CHRM5: variants seen among roughly 807,000 people sequenced by gnomAD.
CHRM5 encodes muscarinic acetylcholine receptor M5.
A neutral mutation model predicts 39.0 loss-of-function variants in CHRM5; 18 were observed. That is an observed-to-expected ratio of 0.46 (90% CI 0.32 to 0.68). The LOEUF (loss-of-function observed/expected upper bound fraction) is 0.68. Ranked by LOEUF, CHRM5 falls within the 30% of genes least tolerant of loss-of-function variation. The pLI is 0.04. For missense variants in CHRM5, 515 were observed against 651.1 expected, an observed-to-expected ratio of 0.79 and a Z score of 2.28; for synonymous variants, 241 against 246.3, an observed-to-expected ratio of 0.98 and a Z score of 0.20.
At chr15:33,975,858 C>T (rs971140745) in intron 1 of CHRM5, among the ~76,000 whole-genome samples, 2 of 152,084 alleles carry the variant, frequency 1.3e-5, no homozygotes, top group African/African-American at 4.8e-5. Context: ...TGAACCCGGG[C>T]AGCGGAGGTT....
At chr15:34,003,682 A>G (rs774822559) in intron 1 of CHRM5, among the ~76,000 whole-genome samples, 1 of 152,236 alleles carries the variant, frequency 6.6e-6, no homozygotes, top group African/African-American at 2.4e-5. Context: ...TAACTTAAAC[A>G]TATATTACTA....
intron 1 of CHRM5, among the ~76,000 whole-genome samples, chr15:34,033,808 A>C (rs1898977390): frequency 6.6e-6 from 1 of 152,156 alleles, no homozygotes; most frequent in Non-Finnish European, 1.5e-5. Flanking sequence ...TTTTGTTTTG[A>C]GATGGAGTCT....
At chr15:34,038,767 C>A in intron 1 of CHRM5, 1 of 1,167,764 alleles carries the variant, frequency 8.6e-7, no homozygotes, top group South Asian at 4.0e-5. Flanking sequence ...CCCCACCAGC[C>A]GTCGCCTCTT....
At position 33,989,634 on chromosome 15, in the gene CHRM5, A is replaced by G. The variant is rs1021733933; in HGVS notation, c.-408+20484A>G. The stretch of plus-strand genomic sequence containing the variant: ...GTCCCTTTTCATAGTCTCTGAATTC[A>G]TGTTTCATGTGTTTTATTTTAGAAG... On this transcript the variant is annotated intron_variant, in intron 1 of 2. Transcript: ENST00000383263. Among the ~76,000 whole-genome samples the G allele has an allele frequency of 2.0e-5, 3 of 152,118 alleles. No homozygotes were observed. In the East Asian group the frequency reaches 5.8e-4, roughly 29 times the overall value.
At chr15:34,029,145 C>T (rs1898640839) in intron 1 of CHRM5, among the ~76,000 whole-genome samples, 1 of 152,132 alleles carries the variant, frequency 6.6e-6, no homozygotes, top group South Asian at 2.1e-4. Context: ...CCTCTCCATC[C>T]AGGGACAGAA....
At chr15:34,055,416 A>G (rs1199339197) in intron 2 of CHRM5, among the ~76,000 whole-genome samples, 2 of 151,898 alleles carry the variant, frequency 1.3e-5, no homozygotes, top group Admixed American at 1.3e-4. Context: ...GAGGCAGGAG[A>G]ATCTCCTGGA....
At chr15:33,974,186 T>C (rs1455929746) in intron 1 of CHRM5, among the ~76,000 whole-genome samples, 1 of 152,206 alleles carries the variant, frequency 6.6e-6, no homozygotes, top group Non-Finnish European at 1.5e-5. Context: ...AAATTGGTCT[T>C]GCTATTAAAA....
At chr15:34,032,098 G>C (rs1477574839) in intron 1 of CHRM5, among the ~76,000 whole-genome samples, 1 of 151,950 alleles carries the variant, frequency 6.6e-6, no homozygotes, top group Admixed American at 6.6e-5. Flanking sequence ...GCCGTAATAA[G>C]TTAGTCAGTA....
chr15:34,001,703 C>T (rs1166893438), intron 1 of CHRM5, among the ~76,000 whole-genome samples: 1 of 17,606 alleles, frequency 5.7e-5, no homozygotes, highest in Non-Finnish European at 2.9e-4. Context: ...TTTGAATCAT[C>T]TACGGTAATG....
intron 1 of CHRM5, among the ~76,000 whole-genome samples, chr15:33,982,967 G>A (rs1371664154): frequency 6.6e-6 from 1 of 151,746 alleles, no homozygotes; most frequent in Non-Finnish European, 1.5e-5. Context: ...ACTCCTGTTG[G>A]GATAATTTTT....
intron 1 of CHRM5, among the ~76,000 whole-genome samples, chr15:33,975,819 A>T (rs1405876390): frequency 1.4e-4 from 22 of 152,252 alleles, no homozygotes; most frequent in Admixed American, 1.3e-3. Flanking sequence ...AGTCCCAGCT[A>T]CTCGGGAGGC....
intron 2 of CHRM5, among the ~76,000 whole-genome samples, chr15:34,056,117 T>A (rs947547370): frequency 6.6e-6 from 1 of 152,206 alleles, no homozygotes; most frequent in Admixed American, 6.5e-5. Flanking sequence ...AGCAGCTAAG[T>A]AACTGCCGTT....
chr15:34,051,526 C>T (rs1246049877), intron 2 of CHRM5, among the ~76,000 whole-genome samples: 1 of 152,064 alleles, frequency 6.6e-6, no homozygotes, highest in Non-Finnish European at 1.5e-5. Flanking sequence ...ACAAGAAAAA[C>T]ACTTTCAAAA....
chr15:34,064,350 C>T lies in CHRM5; in HGVS notation c.*34C>T, dbSNP rs778577826. On this transcript the variant is annotated 3_prime_UTR_variant, in exon 3 of 3. Coordinates refer to ENST00000383263, the MANE Select transcript of CHRM5 (RefSeq NM_012125.4). ...CAACTCCTCTCGAAAGAACAATGACCACAGTCAACATCCTCTGAGGATGAG... is the reference window on the plus strand; with the variant it reads ...CAACTCCTCTCGAAAGAACAATGACTACAGTCAACATCCTCTGAGGATGAG... The T allele has an allele frequency of 5.1e-6, 8 of 1,576,886 alleles. No homozygotes were observed. The highest frequency in any genetic ancestry group is 6.9e-6 in the Non-Finnish European group (8 of 1,163,178).
chr15:33,983,202 A>G lies in CHRM5; in HGVS notation c.-408+14052A>G, dbSNP rs910857236. On this transcript the variant is annotated intron_variant, in intron 1 of 2. Coordinates refer to ENST00000383263, the MANE Select transcript of CHRM5 (RefSeq NM_012125.4). The stretch of plus-strand genomic sequence containing the variant: ...TACACACGTGTGTGTATGTGTGTGT[A>G]TATATATATATACATATATATACAC... 0.025 allele frequency among the ~76,000 whole-genome samples: 386 copies of G among 15,630 alleles called. 9 individuals carry two copies. The East Asian group carries it at 0.27, about 11-fold the overall frequency. 10.3% of individuals were successfully genotyped at this position (15,630 alleles called of 152,430 possible). A position where few individuals can be genotyped will look rare whatever the true frequency, so the allele number is the denominator to read the frequency against.
chr15:34,029,756 A>G (rs1311287574), intron 1 of CHRM5, among the ~76,000 whole-genome samples: 1 of 152,158 alleles, frequency 6.6e-6, no homozygotes, highest in Non-Finnish European at 1.5e-5. Context: ...CCTTGGAAGG[A>G]ATTGAAGTGT....
intron 1 of CHRM5, among the ~76,000 whole-genome samples, chr15:33,997,165 C>G (rs1250410340): frequency 1.3e-5 from 2 of 152,246 alleles, no homozygotes; most frequent in South Asian, 2.1e-4. Context: ...AGGCATAAAA[C>G]AGCATAAACA....
intron 1 of CHRM5, among the ~76,000 whole-genome samples, chr15:34,016,446 C>T (rs969357016): frequency 2.6e-5 from 4 of 152,150 alleles, no homozygotes; most frequent in Non-Finnish European, 5.9e-5. Context: ...CTTCCTGGTA[C>T]TTGATTCTCT....
At chr15:34,010,322 A>T (rs1309823763) in intron 1 of CHRM5, among the ~76,000 whole-genome samples, 5 of 152,172 alleles carry the variant, frequency 3.3e-5, no homozygotes, top group Admixed American at 6.5e-5. Context: ...TTTTCTTTCC[A>T]AAATAAATAA....
Sources: allele counts gnomAD v4.1 joint callset (sites outside exome capture counted in the v4.1 genomes callset), GRCh38; gene constraint gnomAD v4.1.1; transcripts MANE v1.5; gene names NCBI Gene and HGNC (gene_info 2026-07-23, HGNC 2026-07-21).